Variants in MACROD1 observed in about 807,000 individuals in gnomAD.
The protein encoded by MACROD1 is mono-ADP ribosylhydrolase 1, also known as ADP-ribose glycohydrolase MACROD1.
A neutral mutation model predicts 41.4 loss-of-function variants in MACROD1; 31 were observed. That is an observed-to-expected ratio of 0.75 (90% CI 0.56 to 1.01). MACROD1 has a LOEUF of 1.01. Ranked by LOEUF, MACROD1 falls within the 50% of genes least tolerant of loss-of-function variation. MACROD1 has a pLI of 0.00. For missense variants in MACROD1, 473 were observed against 460.0 expected, an observed-to-expected ratio of 1.03 and a Z score of -0.26; for synonymous variants, 252 against 203.4, an observed-to-expected ratio of 1.24 and a Z score of -2.03.
intron 3 of MACROD1, among the ~76,000 whole-genome samples, chr11:64,087,484 C>A (rs1435695537): frequency 6.6e-6 from 1 of 152,230 alleles, no homozygotes. Flanking sequence ...GTCCAGTTGG[C>A]CACACCTCTC....
chr11:64,153,179 C>A (rs1385715176), intron 1 of MACROD1, among the ~76,000 whole-genome samples: 1 of 152,120 alleles, frequency 6.6e-6, no homozygotes, highest in Non-Finnish European at 1.5e-5. Context: ...GCACAGAAAC[C>A]TGGAACCCGT....
intron 3 of MACROD1, chr11:64,149,117 T>C: frequency 1.4e-6 from 1 of 701,386 alleles, no homozygotes; most frequent in Non-Finnish European, 1.8e-6. Flanking sequence ...AAGCTGATCA[T>C]TTGCAGGAGG....
chr11:64,061,172 G>A (rs1185140795), intron 3 of MACROD1, among the ~76,000 whole-genome samples: 1 of 152,248 alleles, frequency 6.6e-6, no homozygotes, highest in African/African-American at 2.4e-5. Context: ...CTTGTAATGA[G>A]TATGGATTTG....
intron 3 of MACROD1, among the ~76,000 whole-genome samples, chr11:64,069,375 C>G (rs572800304): frequency 6.6e-6 from 1 of 152,218 alleles, no homozygotes; most frequent in South Asian, 2.1e-4. Flanking sequence ...CTCTCTCTGG[C>G]CCAAAGCCCC....
Position 63,998,619 on chromosome 11 carries a change from G to T in MACROD1, c.*99C>A. 1 of 1,286,142 alleles carries T rather than the reference G, an allele frequency of 7.8e-7. No individual in the cohort carries two copies. Among genetic ancestry groups the T allele is most frequent in the South Asian group, 2.8e-5 (1 of 36,074 alleles). 79.7% of individuals were successfully genotyped at this position (1,286,142 alleles called of 1,614,324 possible). On this transcript the variant is annotated 3_prime_UTR_variant, in exon 11 of 11. Coordinates refer to ENST00000255681, the MANE Select transcript of MACROD1 (RefSeq NM_014067.4). ...GGGGCGCGGAGGGAAAGAAGGGGTG[G>T]CCAGGCCCAGGCCAGGCTGCAGGCT...
At chr11:64,034,540 G>A (rs552226248) in intron 3 of MACROD1, among the ~76,000 whole-genome samples, 1 of 152,368 alleles carries the variant, frequency 6.6e-6, no homozygotes, top group East Asian at 1.9e-4. Flanking sequence ...CATGCAGAGC[G>A]CACAGAGGCC....
chr11:64,162,247 G>A (rs1297879898), intron 1 of MACROD1, among the ~76,000 whole-genome samples: 4 of 152,236 alleles, frequency 2.6e-5, no homozygotes, highest in Non-Finnish European at 5.9e-5. Flanking sequence ...GGGAGACTGA[G>A]GTGGGAGGAT....
At chr11:64,018,180 G>C (rs1180391781) in intron 3 of MACROD1, among the ~76,000 whole-genome samples, 3 of 152,150 alleles carry the variant, frequency 2.0e-5, no homozygotes, top group Non-Finnish European at 4.4e-5. Context: ...CTCAGACTTG[G>C]ATGCACGGAG....
chr11:64,053,342 A>G (rs1469882967), intron 3 of MACROD1, among the ~76,000 whole-genome samples: 2 of 152,230 alleles, frequency 1.3e-5, no homozygotes, highest in Non-Finnish European at 2.9e-5. Flanking sequence ...TTAATGAAGC[A>G]GATTAAGCAG....
chr11:64,116,658 G>A, intron 3 of MACROD1: 1 of 1,613,962 alleles, frequency 6.2e-7, no homozygotes, highest in Non-Finnish European at 8.5e-7. Context: ...CTCCCTCCGG[G>A]AGCTGCACCT....
chr11:64,060,700 T>G (rs1190900783), intron 3 of MACROD1: 2 of 152,228 alleles, frequency 1.3e-5, no homozygotes, highest in Admixed American at 6.5e-5. Context: ...ATTCATTCAT[T>G]CATTCATTCA....
At chr11:64,050,301 C>T (rs905433872) in intron 3 of MACROD1, among the ~76,000 whole-genome samples, 1 of 152,112 alleles carries the variant, frequency 6.6e-6, no homozygotes, top group Admixed American at 6.5e-5. Context: ...ACAGCTACCA[C>T]GAGGCCCAGA....
chr11:64,056,258 G>A (rs979706955), intron 3 of MACROD1, among the ~76,000 whole-genome samples: 1 of 152,088 alleles, frequency 6.6e-6, no homozygotes, highest in Non-Finnish European at 1.5e-5. Flanking sequence ...GAGAGGCTGA[G>A]GGAGCTAGGC....
chr11:64,084,984 A>G (rs1385435468), intron 3 of MACROD1, among the ~76,000 whole-genome samples: 2 of 152,226 alleles, frequency 1.3e-5, no homozygotes, highest in Non-Finnish European at 2.9e-5. Context: ...ATGCAGACAC[A>G]GTTCTAACTC....
chr11:64,102,230 G>C, intron 3 of MACROD1, among the ~76,000 whole-genome samples: 1 of 152,292 alleles, frequency 6.6e-6, no homozygotes, highest in East Asian at 1.9e-4. Flanking sequence ...ACACCAGGGC[G>C]CCGCGGCCCT....
chr11:64,029,385 G>T (rs1016405526), intron 3 of MACROD1, among the ~76,000 whole-genome samples: 1 of 152,122 alleles, frequency 6.6e-6, no homozygotes, highest in African/African-American at 2.4e-5. Context: ...CCCCAGTAGA[G>T]GTCTCTGAGA....
chr11:64,102,835 C>T (rs901508332), intron 3 of MACROD1, among the ~76,000 whole-genome samples: 28 of 151,888 alleles, frequency 1.8e-4, no homozygotes, highest in Admixed American at 1.6e-3. Flanking sequence ...TTTGGGAGGC[C>T]GAGGTGGGCG....
chr11:64,138,175 T>G (rs768539098), intron 3 of MACROD1, among the ~76,000 whole-genome samples: 6 of 152,188 alleles, frequency 3.9e-5, no homozygotes, highest in Non-Finnish European at 7.3e-5. Context: ...AACCCAGCCC[T>G]GTCCCATGCG....
At chr11:64,009,637 T>C (rs1942969505) in intron 4 of MACROD1, among the ~76,000 whole-genome samples, 1 of 152,028 alleles carries the variant, frequency 6.6e-6, no homozygotes, top group East Asian at 1.9e-4. Context: ...CACCATCTAG[T>C]TCGGCCCCAG....
Sources: allele counts gnomAD v4.1 joint callset (sites outside exome capture counted in the v4.1 genomes callset), GRCh38; gene constraint gnomAD v4.1.1; transcripts MANE v1.5; gene names NCBI Gene and HGNC (gene_info 2026-07-23, HGNC 2026-07-21).